The following BAZ1A variants were observed in gnomAD, a reference collection of about 807,000 sequenced individuals.
BAZ1A encodes the protein bromodomain adjacent to zinc finger domain 1A, also known as bromodomain adjacent to zinc finger domain protein 1A.
BAZ1A carries 50 observed loss-of-function variants against 185.2 expected under a neutral mutation model. The observed-to-expected ratio is 0.27, with a 90% CI of 0.22 to 0.34. BAZ1A has a LOEUF of 0.34. Among genes scored for constraint, BAZ1A ranks in the 10% least tolerant of loss-of-function variants. The pLI is 1.00. For synonymous variants in BAZ1A, 571 were observed against 615.6 expected, an observed-to-expected ratio of 0.93 and a Z score of 1.07; for missense variants, 1,356 against 1,839.9, an observed-to-expected ratio of 0.74 and a Z score of 4.81.
At chr14:34,873,841 C>G (rs1028590993) in intron 2 of BAZ1A, among the ~76,000 whole-genome samples, 2 of 152,188 alleles carry the variant, frequency 1.3e-5, no homozygotes, top group Non-Finnish European at 2.9e-5. Context: ...CGAGGCCTAG[C>G]AGCGCCGGAC....
chr14:34,872,418 G>A (rs1230911319), intron 2 of BAZ1A, among the ~76,000 whole-genome samples: 4 of 151,996 alleles, frequency 2.6e-5, no homozygotes, highest in Non-Finnish European at 5.9e-5. Flanking sequence ...GCAACACGAC[G>A]AAACCCCGTC....
At chr14:34,845,551 A>G (rs2042496562) in intron 3 of BAZ1A, among the ~76,000 whole-genome samples, 1 of 152,182 alleles carries the variant, frequency 6.6e-6, no homozygotes, top group Admixed American at 6.5e-5. Context: ...ATCTATGAGA[A>G]AAGTTTTTTA....
chr14:34,799,831 C>G (rs538777208), intron 9 of BAZ1A, among the ~76,000 whole-genome samples: 6 of 152,134 alleles, frequency 3.9e-5, no homozygotes, highest in African/African-American at 1.4e-4. Context: ...AGGCTGGTCT[C>G]GAACTCCTGA....
chr14:34,758,406 C>A (rs1452441556), intron 25 of BAZ1A, among the ~76,000 whole-genome samples: 2 of 151,794 alleles, frequency 1.3e-5, no homozygotes, highest in Non-Finnish European at 2.9e-5. Flanking sequence ...ATGTTGAAAC[C>A]CCGTCTCTAC....
chr14:34,830,511 G>T (rs2042225352), intron 3 of BAZ1A, among the ~76,000 whole-genome samples: 1 of 138,498 alleles, frequency 7.2e-6, no homozygotes, highest in African/African-American at 2.5e-5. Flanking sequence ...CAGAAACTTG[G>T]CGGCGGGGGA....
At chr14:34,770,470 A>AT (rs751003876) in intron 21 of BAZ1A, among the ~76,000 whole-genome samples, 1 of 152,218 alleles carries the variant, frequency 6.6e-6, no homozygotes, top group Non-Finnish European at 1.5e-5. Flanking sequence ...TTATTTAAGG[A>AT]TTTTAGTCAA....
At chr14:34,788,076 T>C (rs1287836246) in intron 12 of BAZ1A, among the ~76,000 whole-genome samples, 1 of 151,960 alleles carries the variant, frequency 6.6e-6, no homozygotes. Flanking sequence ...TGGAGTGCAG[T>C]GGCGCAGTCT....
intron 3 of BAZ1A, among the ~76,000 whole-genome samples, chr14:34,830,232 A>G (rs183111979): frequency 2.0e-5 from 3 of 152,296 alleles, no homozygotes; most frequent in Admixed American, 6.5e-5. Context: ...AAAATTATAA[A>G]CAATCCAAAT....
Position 34,874,247 on chromosome 14 carries a change from G to T in BAZ1A, c.113+245C>A. 2.5e-6 allele frequency: 1 copy of T among 407,940 alleles called. No individual in the cohort carries two copies. Among genetic ancestry groups the T allele is most frequent in the Non-Finnish European group, 4.4e-6 (1 of 226,874 alleles). 25.3% of individuals were successfully genotyped at this position (407,940 alleles called of 1,614,324 possible). On this transcript the variant is annotated intron_variant, in intron 2 of 26. Transcript: ENST00000360310. This position sits in a 1 kb window ranked among gnomAD's most constrained non-coding sequence, Gnocchi z 4.7. ...GCAGCGGCTAGGAGCGGTCCCCGAG[G>T]CCGGCCAGGGACCCAGCCTCCTCCG...
chr14:34,801,245 G>T, intron 7 of BAZ1A, 52 bp from the exon 8 acceptor site: 1 of 1,307,996 alleles, frequency 7.6e-7, no homozygotes, highest in Non-Finnish European at 1.1e-6. Context: ...AGAATAAAAA[G>T]CAAAAAATTT....
At chr14:34,791,195 G>A (rs1880826188) in intron 12 of BAZ1A, among the ~76,000 whole-genome samples, 1 of 151,954 alleles carries the variant, frequency 6.6e-6, no homozygotes, top group African/African-American at 2.4e-5. Flanking sequence ...ACCAACCATT[G>A]CTTAATATAT....
At chr14:34,782,607 G>C (rs911318954) in intron 16 of BAZ1A, among the ~76,000 whole-genome samples, 2 of 151,936 alleles carry the variant, frequency 1.3e-5, no homozygotes, top group Non-Finnish European at 2.9e-5. Context: ...AGATCTTAAG[G>C]CTTATTAATG....
At chr14:34,822,578 A>G (rs1035312440) in intron 4 of BAZ1A, among the ~76,000 whole-genome samples, 14 of 150,736 alleles carry the variant, frequency 9.3e-5, no homozygotes, top group African/African-American at 3.2e-4. Context: ...ACGCCATTGC[A>G]CACTCCAGCC....
Position 34,783,115 on chromosome 14 carries a change from A to G in BAZ1A, c.2111+4T>C. 1 of 1,576,956 alleles carries G rather than the reference A, an allele frequency of 6.3e-7. No individual in the cohort carries two copies. Among genetic ancestry groups the G allele is most frequent in the South Asian group, 1.1e-5 (1 of 89,552 alleles). The stretch of plus-strand genomic sequence containing the variant: ...GCAGATGAACAGTGTGATTCAAACC[A>G]TACCCAATAGATATATCTGCCGTTG... On this transcript the variant is annotated splice_donor_region_variant and intron_variant, in intron 16 of 26. Coordinates refer to ENST00000360310, the MANE Select transcript of BAZ1A (RefSeq NM_013448.3).
intron 25 of BAZ1A, among the ~76,000 whole-genome samples, chr14:34,757,875 T>TA (rs1886331115): frequency 6.7e-6 from 1 of 150,328 alleles, no homozygotes; most frequent in Non-Finnish European, 1.5e-5. Context: ...GCCTCCCAAG[T>TA]AGCGGGGACT....
intron 3 of BAZ1A, among the ~76,000 whole-genome samples, chr14:34,860,942 T>C (rs2042759393): frequency 6.6e-6 from 1 of 152,014 alleles, no homozygotes; most frequent in Non-Finnish European, 1.5e-5. Flanking sequence ...CAAACCCAAA[T>C]AAATTATATC....
At chr14:34,814,111 TAGC>T (rs1176047291) in intron 4 of BAZ1A, among the ~76,000 whole-genome samples, 2 of 151,726 alleles carry the variant, frequency 1.3e-5, no homozygotes, top group Non-Finnish European at 2.9e-5. Context: ...TTTAATGAAT[TAGC>T]AGCAGTTTAA....
intron 6 of BAZ1A, among the ~76,000 whole-genome samples, chr14:34,805,776 C>A (rs1881822265): frequency 1.3e-5 from 2 of 152,166 alleles, no homozygotes; most frequent in South Asian, 4.1e-4. Context: ...ATCTATTTGA[C>A]CATTTTCCTA....
In BAZ1A at chr14:34,763,213, T is replaced by C. The variant is rs955673433; in HGVS notation, c.3777-990A>G. Among the ~76,000 whole-genome samples, 14 of 152,314 alleles carry C rather than the reference T, an allele frequency of 9.2e-5. No individual in the cohort carries two copies. The East Asian group carries it at 2.5e-3, about 27-fold the overall frequency. ...ACTTGCAAGAACTTTCCACATTCTT[T>C]ATCATCTTTATGCCTAACATAATAC... On this transcript the variant is annotated intron_variant, in intron 23 of 26. Transcript: ENST00000360310.
Sources: allele counts gnomAD v4.1 joint callset (sites outside exome capture counted in the v4.1 genomes callset), GRCh38; gene constraint gnomAD v4.1.1; non-coding constraint Gnocchi (gnomAD v3.1); transcripts MANE v1.5; gene names NCBI Gene and HGNC (gene_info 2026-07-23, HGNC 2026-07-21).